AGFG2: variants seen among roughly 807,000 people sequenced by gnomAD.
AGFG2 encodes ArfGAP with FG repeats 2, also known as arf-GAP domain and FG repeat-containing protein 2.
A neutral mutation model predicts 48.0 loss-of-function variants in AGFG2; 31 were observed. The observed-to-expected ratio is 0.65, with a 90% confidence interval of 0.49 to 0.87. The LOEUF (loss-of-function observed/expected upper bound fraction) is 0.87, where lower values mean the gene tolerates loss of function less well. Among genes scored for constraint, AGFG2 ranks in the 40% least tolerant of loss-of-function variants. AGFG2 has a pLI of 0.00. For synonymous variants in AGFG2, 229 were observed against 260.8 expected, an observed-to-expected ratio of 0.88 and a Z score of 1.18; for missense variants, 599 against 632.6, an observed-to-expected ratio of 0.95 and a Z score of 0.57.
intron 11 of AGFG2, 111 bp downstream of exon 11, chr7:100,564,414 G>A (rs1800961977): frequency 8.8e-7 from 1 of 1,142,272 alleles, no homozygotes; most frequent in Non-Finnish European, 1.3e-6. Flanking sequence ...CCTCGTGAAG[G>A]TCTGCGTTGT....
chr7:100,550,618 G>C, intron 3 of AGFG2, 107 bp downstream of exon 3: 1 of 795,242 alleles, frequency 1.3e-6, no homozygotes, highest in Non-Finnish European at 2.1e-6. Context: ...GACTAGACTT[G>C]GGTCGATTCT....
At position 100,539,377 on chromosome 7, in the gene AGFG2, C is replaced by T; in HGVS notation, c.31C>T (p.Pro11Ser). The T allele has an allele frequency of 7.8e-7, 1 of 1,282,774 alleles. No individual in the cohort carries two copies. The highest frequency in any genetic ancestry group is 9.9e-7 in the Non-Finnish European group (1 of 1,011,130). The allele number at this position is 1,282,774 out of a possible 1,614,324, so 79.5% of individuals were successfully genotyped here. ...GATGGCGGCGAAGAAGGGCCCGGGC[C>T]CGGGCGGCGGGGTCAGCGGGGGCAA... is the stretch of plus-strand genomic sequence containing the variant. Reference protein sequence around the residue: MVMAAKKGPGPGGGVSGGKAE... With the variant: MVMAAKKGPGSGGGVSGGKAE... The change falls in exon 1 of 12, where the codon CCG (proline) becomes TCG (serine). Residue 11 changes from proline to serine, a missense_variant. Coordinates refer to ENST00000300176, the MANE Select transcript of AGFG2 (RefSeq NM_006076.5).
chr7:100,564,178 G>A (rs1324800862), intron 10 of AGFG2, 40 bp from the exon 11 acceptor site: 2 of 1,591,164 alleles, frequency 1.3e-6, no homozygotes. Context: ...CTGCAGGAAG[G>A]CAGGCTGGTG....
intron 3 of AGFG2, among the ~76,000 whole-genome samples, chr7:100,551,424 G>A (rs1198597096): frequency 6.7e-6 from 1 of 150,160 alleles, no homozygotes; most frequent in Non-Finnish European, 1.5e-5. Context: ...AGGCTGGTCT[G>A]AAACTCCTGG....
chr7:100,551,833 G>A (rs1273330805), intron 3 of AGFG2, among the ~76,000 whole-genome samples: 1 of 137,458 alleles, frequency 7.3e-6, no homozygotes, highest in Admixed American at 7.9e-5. Flanking sequence ...GTTGCAGTGA[G>A]CTGAGATCAT....
chr7:100,552,505 G>A (rs1800666731), intron 3 of AGFG2, among the ~76,000 whole-genome samples: 1 of 152,222 alleles, frequency 6.6e-6, no homozygotes, highest in African/African-American at 2.4e-5. Flanking sequence ...CCTGATGAAG[G>A]AAACAGCATC....
At chr7:100,551,596 A>C (rs1318137364) in intron 3 of AGFG2, among the ~76,000 whole-genome samples, 1 of 151,748 alleles carries the variant, frequency 6.6e-6, no homozygotes, top group Non-Finnish European at 1.5e-5. Context: ...AATATTTGGG[A>C]AAATAGGCCA....
chr7:100,549,023 T>A, intron 2 of AGFG2, 108 bp downstream of exon 2: 1 of 852,606 alleles, frequency 1.2e-6, no homozygotes, highest in Non-Finnish European at 1.9e-6. Context: ...GAGTTTCTCT[T>A]AATTTTTTCA....
chr7:100,562,033 G>A lies in AGFG2; in HGVS notation c.878-226G>A, dbSNP rs1191524658. ...TCCGCAGCGCAGCTTTGAGCGCAGG[G>A]GACACGGAGAAGGGCTGGGCTGTCA... On this transcript the variant is annotated intron_variant, in intron 6 of 11. Transcript: ENST00000300176. This position sits in a 1 kb window ranked among gnomAD's most constrained non-coding sequence, Gnocchi z 5.4. 6.6e-6 allele frequency among the ~76,000 whole-genome samples: 1 copy of A among 152,050 alleles called. No individual in the cohort carries two copies. The highest frequency in any genetic ancestry group is 1.5e-5 in the Non-Finnish European group (1 of 68,020).
At chr7:100,542,295 G>A (rs1319609775) in intron 1 of AGFG2, among the ~76,000 whole-genome samples, 2 of 152,210 alleles carry the variant, frequency 1.3e-5, no homozygotes, top group South Asian at 2.1e-4. Flanking sequence ...GATTACAGGC[G>A]TGAGCCACGG....
chr7:100,563,031 G>C, intron 9 of AGFG2, 85 bp downstream of exon 9: 1 of 1,317,080 alleles, frequency 7.6e-7, no homozygotes, highest in Non-Finnish European at 1.1e-6. Flanking sequence ...TTAACCCTTT[G>C]TCTCACGCTG....
chr7:100,548,706 T>G lies in AGFG2; in HGVS notation c.222-116T>G, dbSNP rs1800560677. 5.7e-6 allele frequency: 4 copies of G among 704,108 alleles called. No individual in the cohort carries two copies. The South Asian group carries it at 6.7e-5, about 12-fold the overall frequency. 43.6% of individuals were successfully genotyped at this position (704,108 alleles called of 1,614,324 possible). ...TAGCTTCAGATGGGGGGGTTCTATC[T>G]GAGCTTAGTTTATATGCTATTCTTT... On this transcript the variant is annotated intron_variant, in intron 1 of 11. Coordinates refer to ENST00000300176, the MANE Select transcript of AGFG2 (RefSeq NM_006076.5).
At position 100,566,617 on chromosome 7, in the gene AGFG2, A is replaced by G. The variant is rs1213656664; in HGVS notation, c.*1626A>G. ...ATTTACTTTGCAGATTTTTCTGGAA[A>G]TAACCTCTAGCTGCTGCTATTTGCA... is the stretch of plus-strand genomic sequence containing the variant. On this transcript the variant is annotated 3_prime_UTR_variant, in exon 12 of 12. Transcript: ENST00000300176. 6.6e-6 allele frequency: 1 copy of G among 152,162 alleles called. No individual in the cohort carries two copies. Among genetic ancestry groups the G allele is most frequent in the Non-Finnish European group, 1.5e-5 (1 of 68,060 alleles). 9.4% of individuals were successfully genotyped at this position (152,162 alleles called of 1,614,324 possible).
At chr7:100,556,100 G>A (rs190019461) in intron 6 of AGFG2, 92 of 208,598 alleles carry the variant, frequency 4.4e-4, no homozygotes, top group African/African-American at 1.9e-3. Flanking sequence ...AAGGGTCAAG[G>A]GTCAAGGTAG....
rs922510391 is a variant in AGFG2, at chr7:100,563,838, C to T, written c.1176C>T (p.Pro392=). The change falls in exon 10 of 12, where the codon CCC becomes CCT. Residue 392 remains proline, a synonymous_variant. Transcript: ENST00000300176. ...CTCCCGTCTTTCACTCCATAGGGCCCGGCTTTGGGATGAGCAGTGCTGGGC... is the reference window on the plus strand; with the variant it reads ...CTCCCGTCTTTCACTCCATAGGGCCTGGCTTTGGGATGAGCAGTGCTGGGC... The part of the protein sequence containing the change: ...PFQPNGLAPG[P]GFGMSSAGPG... 1.1e-5 allele frequency: 17 copies of T among 1,611,384 alleles called. No homozygotes were observed. Among genetic ancestry groups the T allele is most frequent in the East Asian group, 4.5e-5 (2 of 44,882 alleles).
At chr7:100,554,724 C>G (rs1189759315) in intron 5 of AGFG2, among the ~76,000 whole-genome samples, 1 of 151,866 alleles carries the variant, frequency 6.6e-6, no homozygotes, top group Non-Finnish European at 1.5e-5. Flanking sequence ...CACCTGAGGT[C>G]AGGAGTTCAA....
rs555006728 is a variant in AGFG2, at chr7:100,563,761, G to C, written c.1172-73G>C. 3.5e-3 allele frequency: 5,538 copies of C among 1,587,564 alleles called. 15 individuals carry two copies. The highest frequency in any genetic ancestry group is 4.3e-3 in the Non-Finnish European group (5,098 of 1,172,662). ...CTATATCCCATTTTCCCATCTTGGAGGGACTTAGGAAAAACAGTTCTCCAG... is the reference window on the plus strand; with the variant it reads ...CTATATCCCATTTTCCCATCTTGGACGGACTTAGGAAAAACAGTTCTCCAG... On this transcript the variant is annotated intron_variant, in intron 9 of 11. Coordinates refer to ENST00000300176, the MANE Select transcript of AGFG2 (RefSeq NM_006076.5).
At position 100,565,282 on chromosome 7, in the gene AGFG2, C is replaced by A; in HGVS notation, c.*291C>A. 2.0e-6 allele frequency: 1 copy of A among 497,418 alleles called. No homozygotes were observed. Among genetic ancestry groups the A allele is most frequent in the East Asian group, 3.7e-5 (1 of 27,128 alleles). 30.8% of individuals were successfully genotyped at this position (497,418 alleles called of 1,614,324 possible). On this transcript the variant is annotated 3_prime_UTR_variant, in exon 12 of 12. Transcript: ENST00000300176. ...GGGATTTTTTTCAAATGATCAGTCCCCTGTGGAACAGCTCTTCCCTGGGCC... is the reference window on the plus strand; with the variant it reads ...GGGATTTTTTTCAAATGATCAGTCCACTGTGGAACAGCTCTTCCCTGGGCC...
At chr7:100,564,333 G>A in intron 11 of AGFG2, 30 bp downstream of exon 11, 1 of 1,592,994 alleles carries the variant, frequency 6.3e-7, no homozygotes, top group South Asian at 1.1e-5. Flanking sequence ...TGCTGTGGTA[G>A]GGCTCGTGGG....
Sources: allele counts gnomAD v4.1 joint callset (sites outside exome capture counted in the v4.1 genomes callset), GRCh38; gene constraint gnomAD v4.1.1; non-coding constraint Gnocchi (gnomAD v3.1); transcripts MANE v1.5; gene names NCBI Gene and HGNC (gene_info 2026-07-23, HGNC 2026-07-21).